The following TARS3 variants were observed in gnomAD, a reference collection of about 807,000 sequenced individuals.
The protein encoded by TARS3 is threonyl-tRNA synthetase 3.
Under a neutral mutation model 103.5 loss-of-function variants are expected in TARS3, and 94 were observed. That is an observed-to-expected ratio of 0.91 (90% CI 0.77 to 1.08). The LOEUF (loss-of-function observed/expected upper bound fraction) is 1.08. TARS3 is among the 50% of genes least tolerant of loss of function. The pLI is 0.00. For synonymous variants in TARS3, 416 were observed against 355.4 expected, an observed-to-expected ratio of 1.17 and a Z score of -1.92; for missense variants, 952 against 995.2, an observed-to-expected ratio of 0.96 and a Z score of 0.58.
intron 2 of TARS3, 98 bp downstream of exon 2, chr15:101,722,995 A>T: frequency 8.9e-7 from 1 of 1,128,778 alleles, no homozygotes; most frequent in Non-Finnish European, 1.3e-6. Context: ...ATAATAATTT[A>T]ATCAGTAATT....
intron 2 of TARS3, among the ~76,000 whole-genome samples, chr15:101,721,714 C>T (rs1481995589): frequency 3.9e-5 from 6 of 152,150 alleles, no homozygotes; most frequent in African/African-American, 7.2e-5. Context: ...AGGCTGGTCT[C>T]GAACTCCTGA....
At chr15:101,718,350 G>C (rs1900268904) in intron 3 of TARS3, among the ~76,000 whole-genome samples, 1 of 151,846 alleles carries the variant, frequency 6.6e-6, no homozygotes, top group African/African-American at 2.4e-5. Context: ...GGAGGTGGGG[G>C]GACAGTGTTG....
chr15:101,688,431 T>G (rs780996320), intron 10 of TARS3, among the ~76,000 whole-genome samples: 8 of 152,068 alleles, frequency 5.3e-5, no homozygotes, highest in Admixed American at 2.6e-4. Flanking sequence ...TCCAGATAAC[T>G]TATCTGGAAC....
intron 10 of TARS3, among the ~76,000 whole-genome samples, chr15:101,688,261 T>C (rs1409664202): frequency 3.9e-5 from 6 of 152,182 alleles, no homozygotes; most frequent in African/African-American, 7.2e-5. Context: ...GTTCATTGCA[T>C]TGCATTTTAG....
chr15:101,685,806 C>T, intron 11 of TARS3, 90 bp downstream of exon 11: 1 of 1,073,342 alleles, frequency 9.3e-7, no homozygotes, highest in Non-Finnish European at 1.3e-6. Flanking sequence ...ATTAAAGGGA[C>T]TCTTTCATTC....
At chr15:101,718,949 G>A (rs940927210) in intron 3 of TARS3, among the ~76,000 whole-genome samples, 2 of 152,182 alleles carry the variant, frequency 1.3e-5, no homozygotes, top group East Asian at 3.8e-4. Flanking sequence ...CCACAGAACT[G>A]AGCTGTGGAA....
intron 3 of TARS3, among the ~76,000 whole-genome samples, chr15:101,717,740 G>A (rs542657876): frequency 3.9e-5 from 6 of 152,228 alleles, no homozygotes; most frequent in African/African-American, 7.2e-5. Flanking sequence ...CCAAAAGACC[G>A]TATGGAGACA....
At chr15:101,673,387 A>G (rs765448500) in intron 13 of TARS3, among the ~76,000 whole-genome samples, 7 of 152,184 alleles carry the variant, frequency 4.6e-5, no homozygotes, top group Non-Finnish European at 8.8e-5. Flanking sequence ...CCTGACATCT[A>G]CTGGGCACTT....
intron 7 of TARS3, among the ~76,000 whole-genome samples, chr15:101,704,266 A>T (rs992893197): frequency 2.0e-5 from 3 of 152,224 alleles, no homozygotes; most frequent in Admixed American, 2.0e-4. Context: ...GTCTTTGTGT[A>T]TTGTTCTCTA....
At chr15:101,671,808 G>T in intron 13 of TARS3, 60 bp from the exon 14 acceptor site, 2 of 1,360,742 alleles carry the variant, frequency 1.5e-6, no homozygotes, top group Non-Finnish European at 2.1e-6. Context: ...TTTACATACA[G>T]CTCACAAAAG....
At chr15:101,658,696 T>G (rs566398397) in intron 16 of TARS3, among the ~76,000 whole-genome samples, 1 of 152,324 alleles carries the variant, frequency 6.6e-6, no homozygotes, top group Admixed American at 6.5e-5. Flanking sequence ...TGGTGGACAG[T>G]CTCAATGTCT....
chr15:101,709,114 A>G (rs1400254202), intron 5 of TARS3, among the ~76,000 whole-genome samples: 1 of 152,198 alleles, frequency 6.6e-6, no homozygotes, highest in Non-Finnish European at 1.5e-5. Context: ...GACCTGCCTC[A>G]TTTCTCCTCT....
At chr15:101,715,432 C>G (rs1900104774) in intron 3 of TARS3, among the ~76,000 whole-genome samples, 1 of 152,102 alleles carries the variant, frequency 6.6e-6, no homozygotes, top group African/African-American at 2.4e-5. Flanking sequence ...AGGCGTGAGC[C>G]ACCGCGCCCA....
intron 13 of TARS3, 127 bp from the exon 14 acceptor site, chr15:101,671,875 T>A (rs1229212111): frequency 2.6e-6 from 2 of 756,676 alleles, no homozygotes; most frequent in Admixed American, 5.7e-5. Flanking sequence ...ATTGAGCATC[T>A]TTTACATTCA....
At position 101,703,909 on chromosome 15, in the gene TARS3, C is replaced by T. The variant is rs776471746; in HGVS notation, c.1024G>A (p.Gly342Ser). The change falls in exon 8 of 19, where the codon GGT (glycine) becomes AGT (serine). Residue 342 changes from glycine (G) to serine (S), a missense_variant. Transcript: ENST00000335968. ...RCGPLIDLCK[G>S]PHVRHTGKIK... is the part of the protein sequence containing the mutation. The stretch of plus-strand genomic sequence containing the variant: ...TTTCCAGTGTGTCTTACATGTGGAC[C>T]TTTGCAAAGGTCAATTAATGGACCG... The T allele has an allele frequency of 6.2e-7, 1 of 1,613,092 alleles. No homozygotes were observed. Among genetic ancestry groups the T allele is most frequent in the Non-Finnish European group, 8.5e-7 (1 of 1,179,604 alleles).
At chr15:101,676,266 G>T (rs1567331130) in intron 12 of TARS3, among the ~76,000 whole-genome samples, 1 of 152,172 alleles carries the variant, frequency 6.6e-6, no homozygotes, top group Admixed American at 6.5e-5. Flanking sequence ...GCAATGAAGG[G>T]TTTTTGTTTT....
intron 6 of TARS3, among the ~76,000 whole-genome samples, chr15:101,708,398 G>A (rs1193161499): frequency 2.6e-5 from 4 of 151,348 alleles, no homozygotes; most frequent in South Asian, 2.1e-4. Flanking sequence ...GAAAGTTACT[G>A]TTTTACACAG....
chr15:101,701,012 C>T (rs1204664876), intron 10 of TARS3, 74 bp downstream of exon 10: 2 of 1,050,910 alleles, frequency 1.9e-6, no homozygotes, highest in Non-Finnish European at 2.7e-6. Flanking sequence ...CGCTTGACCA[C>T]TTTATTATGA....
chr15:101,696,210 C>CAAAAA (rs57512244), intron 10 of TARS3, among the ~76,000 whole-genome samples: 62 of 81,736 alleles, frequency 7.6e-4, no homozygotes, highest in African/African-American at 1.9e-3. Flanking sequence ...GACTTTGTCT[C>CAAAAA]AAAAAAAAAA....
Sources: gnomAD v4.1 joint callset for allele counts (sites outside exome capture counted in the v4.1 genomes callset) on GRCh38, gnomAD v4.1.1 for gene constraint, MANE v1.5 for transcripts, NCBI Gene and HGNC (gene_info 2026-07-23, HGNC 2026-07-21) for gene names.